The following RGSL1 variants were observed in gnomAD, a reference collection of about 807,000 sequenced individuals.
RGSL1 encodes regulator of G protein signaling like 1.
A neutral mutation model predicts 124.7 loss-of-function variants in RGSL1; 97 were observed. The observed-to-expected ratio is 0.78, with a 90% confidence interval of 0.66 to 0.92. RGSL1 has a LOEUF of 0.92. Ranked by LOEUF, RGSL1 falls within the 40% of genes least tolerant of loss-of-function variation. The pLI is 0.00. For synonymous variants in RGSL1, 424 were observed against 438.1 expected (o/e 0.97, Z 0.40); for missense variants, 1,233 against 1,288.4 (o/e 0.96, Z 0.66).
chr1:182,545,272 GA>G (rs1169223167), intron 15 of RGSL1, among the ~76,000 whole-genome samples: 2 of 152,072 alleles, frequency 1.3e-5, no homozygotes, highest in East Asian at 3.9e-4. Context: ...TAGAAACAAA[GA>G]AAAAACTAAA....
chr1:182,512,767 C>G (rs1657555725), intron 9 of RGSL1, among the ~76,000 whole-genome samples: 1 of 152,184 alleles, frequency 6.6e-6, no homozygotes, highest in Admixed American at 6.5e-5. Context: ...ATGGAGGTGG[C>G]TCTCAGCAGA....
rs1179849006 is a variant in RGSL1, at chr1:182,458,306, C to T, written c.97-13C>T. On this transcript the variant is annotated splice_polypyrimidine_tract_variant and intron_variant, in intron 2 of 21. Coordinates refer to ENST00000294854, the MANE Select transcript of RGSL1 (RefSeq NM_001137669.2). ...CTCTACTCCCTTGACTGTTTCCTAGCTTTGTTTTGCAGGTTTTTGGTCAGA... is the reference window on the plus strand; with the variant it reads ...CTCTACTCCCTTGACTGTTTCCTAGTTTTGTTTTGCAGGTTTTTGGTCAGA... 7 of 1,550,028 alleles carry T rather than the reference C, an allele frequency of 4.5e-6. No homozygotes were observed. Among genetic ancestry groups the T allele is most frequent in the Middle Eastern group, 1.7e-4 (1 of 6,008 alleles).
chr1:182,472,383 G>A lies in RGSL1; in HGVS notation c.302-13G>A, dbSNP rs1391180595. On this transcript the variant is annotated splice_polypyrimidine_tract_variant and intron_variant, in intron 4 of 21. Transcript: ENST00000294854. ...TAGGGTATAGCTCTGTGCCTCTTCT[G>A]TCTCACCCGTAGGTGAAGAATTGGT... 4 of 1,544,632 alleles carry A rather than the reference G, an allele frequency of 2.6e-6. No homozygotes were observed. Among genetic ancestry groups the A allele is most frequent in the African/African-American group, 2.7e-5 (2 of 72,896 alleles).
chr1:182,464,659 G>T (rs1653128678), intron 4 of RGSL1, among the ~76,000 whole-genome samples: 1 of 151,820 alleles, frequency 6.6e-6, no homozygotes, highest in Non-Finnish European at 1.5e-5. Context: ...GGGAGGCAGA[G>T]GTTGCAGTGA....
intron 6 of RGSL1, among the ~76,000 whole-genome samples, chr1:182,482,703 CA>C (rs1301779629): frequency 6.6e-6 from 1 of 152,288 alleles, no homozygotes; most frequent in Non-Finnish European, 1.5e-5. Flanking sequence ...GTATGGAAAA[CA>C]GTATGCAGGT....
chr1:182,526,736 A>G (rs1658776104), intron 10 of RGSL1, among the ~76,000 whole-genome samples: 1 of 152,226 alleles, frequency 6.6e-6, no homozygotes, highest in Non-Finnish European at 1.5e-5. Context: ...GGAGAAATTC[A>G]CATGATTATC....
intron 9 of RGSL1, among the ~76,000 whole-genome samples, chr1:182,501,316 T>C (rs1373832185): frequency 1.5e-4 from 16 of 105,978 alleles, no homozygotes; most frequent in South Asian, 1.0e-3. Flanking sequence ...TCTTTTTTTT[T>C]TTTTTTTTTT....
chr1:182,477,427 T>C (rs1310114240), intron 6 of RGSL1, among the ~76,000 whole-genome samples: 2 of 152,156 alleles, frequency 1.3e-5, no homozygotes, highest in South Asian at 2.1e-4. Context: ...ATTGCTCAAC[T>C]GCAGTCACAG....
chr1:182,536,340 A>T (rs750430658), intron 14 of RGSL1, among the ~76,000 whole-genome samples: 1 of 152,182 alleles, frequency 6.6e-6, no homozygotes, highest in Non-Finnish European at 1.5e-5. Context: ...GTTATGTGGT[A>T]AGTATATGTT....
rs373861291 is a variant in RGSL1, at chr1:182,534,011, G to A, written c.2494+1220G>A. Among the ~76,000 whole-genome samples the A allele has an allele frequency of 6.2e-4, 95 of 152,262 alleles. 1 individual carries two copies. The South Asian group carries it at 0.018, about 28-fold the overall frequency. On this transcript the variant is annotated intron_variant, in intron 14 of 21. Coordinates refer to ENST00000294854, the MANE Select transcript of RGSL1 (RefSeq NM_001137669.2). ...CAGTTGGACTAGAGATTAATGAGAT[G>A]GGGCAAATGCTTGAGATGAGACTGG...
At chr1:182,477,199 G>C (rs1286761783) in intron 6 of RGSL1, among the ~76,000 whole-genome samples, 1 of 152,174 alleles carries the variant, frequency 6.6e-6, no homozygotes, top group Non-Finnish European at 1.5e-5. Context: ...GCAGTCTCAT[G>C]CTTCTAGTAG....
chr1:182,458,341 A>T lies in RGSL1; in HGVS notation c.119A>T (p.Tyr40Phe). The T allele has an allele frequency of 6.4e-7, 1 of 1,552,142 alleles. No homozygotes were observed. The highest frequency in any genetic ancestry group is 1.2e-5 in the South Asian group (1 of 84,056). Residue 40 changes from tyrosine to phenylalanine, a missense_variant, in exon 3 of 22, where the codon TAT becomes TTT. Transcript: ENST00000294854. ...SLPVFGQTPF[Y>F]TVENSQWSLW... Reference sequence around the variant, plus strand: ...CAGGTTTTTGGTCAGACACCATTTTATACTGTTGAAAATTCACAGTGGAGC... The same window carrying T: ...CAGGTTTTTGGTCAGACACCATTTTTTACTGTTGAAAATTCACAGTGGAGC...
At chr1:182,556,475 C>T (rs1028106775) in intron 21 of RGSL1, among the ~76,000 whole-genome samples, 2 of 152,162 alleles carry the variant, frequency 1.3e-5, no homozygotes, top group Non-Finnish European at 2.9e-5. Context: ...ATGACTCACA[C>T]CCATTGTCTC....
intron 6 of RGSL1, among the ~76,000 whole-genome samples, chr1:182,479,068 C>T (rs1654505319): frequency 6.6e-6 from 1 of 152,126 alleles, no homozygotes; most frequent in Admixed American, 6.5e-5. Flanking sequence ...CACCACTAGA[C>T]CTGCCTTACA....
At chr1:182,450,320 C>G (rs1488442873) in intron 1 of RGSL1, 142 bp downstream of exon 1, 20 of 887,582 alleles carry the variant, frequency 2.3e-5, no homozygotes, top group Non-Finnish European at 3.4e-5. Context: ...TGTTTTCCTT[C>G]TCTTTCTCCT....
At chr1:182,545,572 A>T (rs1261548435) in intron 15 of RGSL1, among the ~76,000 whole-genome samples, 2 of 152,094 alleles carry the variant, frequency 1.3e-5, no homozygotes, top group Non-Finnish European at 2.9e-5. Context: ...TCTCTTTAGC[A>T]TTTCTTGTAA....
intron 2 of RGSL1, among the ~76,000 whole-genome samples, chr1:182,454,311 C>T (rs987241106): frequency 6.6e-6 from 1 of 152,154 alleles, no homozygotes; most frequent in Non-Finnish European, 1.5e-5. Context: ...TCTCATCATA[C>T]CCTCTGCTGA....
At chr1:182,513,103 T>A (rs913937612) in intron 9 of RGSL1, among the ~76,000 whole-genome samples, 1 of 152,226 alleles carries the variant, frequency 6.6e-6, no homozygotes, top group Non-Finnish European at 1.5e-5. Context: ...GGGTGGGGCC[T>A]TTGCCAGGGA....
intron 4 of RGSL1, among the ~76,000 whole-genome samples, chr1:182,460,434 C>T (rs1652726119): frequency 6.6e-6 from 1 of 152,112 alleles, no homozygotes; most frequent in Admixed American, 6.5e-5. Flanking sequence ...GGCTGTTTAT[C>T]TCACTGTAGC....
Sources: gnomAD v4.1 joint callset for allele counts (sites outside exome capture counted in the v4.1 genomes callset) on GRCh38, gnomAD v4.1.1 for gene constraint, MANE v1.5 for transcripts, NCBI Gene and HGNC (gene_info 2026-07-23, HGNC 2026-07-21) for gene names.